Variants in NMD3 observed in about 807,000 individuals in gnomAD.
NMD3 encodes 60S ribosomal export protein NMD3.
Under a neutral mutation model 73.1 loss-of-function variants are expected in NMD3, and 47 were observed. The observed-to-expected ratio is 0.64, with a 90% CI of 0.51 to 0.82. The LOEUF (loss-of-function observed/expected upper bound fraction) is 0.82. Among genes scored for constraint, NMD3 ranks in the 40% least tolerant of loss-of-function variants. The pLI is 0.00. For synonymous variants in NMD3, 210 were observed against 194.5 expected (o/e 1.08, Z -0.66); for missense variants, 554 against 612.5 (o/e 0.90, Z 1.01).
At position 161,222,042 on chromosome 3, in the gene NMD3, G is replaced by A; in HGVS notation, c.29G>A (p.Arg10His). The change falls in exon 2 of 16, where the codon CGC (arginine) becomes CAC (histidine). Residue 10 changes from arginine (R) to histidine (H), a missense_variant. Transcript: ENST00000351193. ...GAGTATATGGCAGAATCCACCGACC[G>A]CAGCCCTGGACACATGTGAGTGCGA... The part of the protein sequence containing the change: MEYMAESTD[R>H]SPGHILCCEC... 1 of 1,520,284 alleles carries A rather than the reference G, an allele frequency of 6.6e-7. No individual in the cohort carries two copies. The highest frequency in any genetic ancestry group is 1.5e-5 in the African/African-American group (1 of 68,226). 94.2% of individuals were successfully genotyped at this position (1,520,284 alleles called of 1,614,324 possible).
At chr3:161,235,047 A>G (rs991388934) in intron 6 of NMD3, 75 bp from the exon 7 acceptor site, 4 of 860,974 alleles carry the variant, frequency 4.6e-6, no homozygotes, top group African/African-American at 1.7e-5. Context: ...CTCTATCTGT[A>G]GATAGTATGT....
chr3:161,228,626 T>C (rs1736420245), intron 4 of NMD3, among the ~76,000 whole-genome samples: 1 of 152,162 alleles, frequency 6.6e-6, no homozygotes, highest in Non-Finnish European at 1.5e-5. Context: ...CTTTTATACT[T>C]GGGGTTTTTG....
At chr3:161,241,619 C>T (rs1166553502) in intron 10 of NMD3, among the ~76,000 whole-genome samples, 1 of 152,058 alleles carries the variant, frequency 6.6e-6, no homozygotes. Context: ...CGGGGTTTCA[C>T]TGTGTTGGCC....
At position 161,242,673 on chromosome 3, in the gene NMD3, C is replaced by T; in HGVS notation, c.1017+20C>T. The T allele has an allele frequency of 6.3e-7, 1 of 1,593,902 alleles. No homozygotes were observed. Among genetic ancestry groups the T allele is most frequent in the Non-Finnish European group, 8.5e-7 (1 of 1,169,956 alleles). On this transcript the variant is annotated intron_variant, in intron 11 of 15. Transcript: ENST00000351193. The stretch of plus-strand genomic sequence containing the variant: ...AAAAAGGTAAGCTACATCCTGCCTG[C>T]CAGTGTATTTTTTTTTCCCCTCAGT...
chr3:161,221,956 CTCT>C, intron 1 of NMD3, 35 bp from the exon 2 acceptor site: 1 of 1,029,928 alleles, frequency 9.7e-7, no homozygotes, highest in Non-Finnish European at 1.4e-6. Flanking sequence ...TCCCAACATT[CTCT>C]TTTTTTTTTT....
Position 161,221,988 on chromosome 3 carries a change from T to TAAA in NMD3, c.-20-4_-20-2dup, listed in dbSNP as rs1553789114. On this transcript the variant is annotated splice_region_variant and splice_polypyrimidine_tract_variant and intron_variant, in intron 1 of 15. Coordinates refer to ENST00000351193, the MANE Select transcript of NMD3 (RefSeq NM_015938.5). ...TTTTTTTTTTTTTTTTTTTTTTTTT[T>TAAA]AAAAGAACTTAAGGCATACAGAACG... The TAAA allele has an allele frequency of 3.1e-5, 37 of 1,192,830 alleles. 2 individuals are homozygous for TAAA. In the South Asian group the frequency reaches 4.0e-4, roughly 13 times the overall value. 73.9% of individuals were successfully genotyped at this position (1,192,830 alleles called of 1,614,324 possible).
At position 161,227,296 on chromosome 3, in the gene NMD3, G is replaced by C. The variant is rs1415244541; in HGVS notation, c.229G>C (p.Glu77Gln). ...GATACAGTGTGCTTTAGAATCCAGG[G>C]AACTTCTTGCTTTGTGCTTGAAAAA... ...TWIQCALESR[E>Q]LLALCLKKIK... is the part of the protein sequence containing the mutation. The change falls in exon 4 of 16, where the codon GAA (glutamate) becomes CAA (glutamine). Residue 77 changes from glutamate (E) to glutamine (Q), a missense_variant. By Grantham distance (29) the Glu-to-Gln change is conservative. Coordinates refer to ENST00000351193, the MANE Select transcript of NMD3 (RefSeq NM_015938.5). 7 of 1,608,534 alleles carry C rather than the reference G, an allele frequency of 4.4e-6. 1 individual carries two copies. Among genetic ancestry groups the C allele is most frequent in the Middle Eastern group, 3.3e-4 (2 of 6,028 alleles).
chr3:161,223,316 T>A (rs187349537), intron 2 of NMD3, among the ~76,000 whole-genome samples: 27 of 152,324 alleles, frequency 1.8e-4, no homozygotes, highest in Admixed American at 1.2e-3. Flanking sequence ...ATTATTGAAC[T>A]TTTATTTTGG....
chr3:161,249,429 A>C, intron 13 of NMD3, 25 bp from the exon 14 acceptor site: 2 of 1,491,244 alleles, frequency 1.3e-6, no homozygotes, highest in Non-Finnish European at 1.8e-6. Context: ...CATTCTTTGT[A>C]ACTTTACAAA....
intron 7 of NMD3, among the ~76,000 whole-genome samples, chr3:161,236,344 A>G (rs552037117): frequency 1.1e-4 from 17 of 152,012 alleles, no homozygotes; most frequent in African/African-American, 3.9e-4. Context: ...CCTCCTCAAC[A>G]CTTGTTCTTA....
At chr3:161,250,148 T>G in intron 14 of NMD3, 108 bp from the exon 15 acceptor site, 1 of 604,022 alleles carries the variant, frequency 1.7e-6, no homozygotes, top group Admixed American at 3.2e-5. Flanking sequence ...TCATGAAATG[T>G]GAGTTGGAAA....
At chr3:161,248,994 G>A (rs1737364619) in intron 13 of NMD3, among the ~76,000 whole-genome samples, 1 of 152,090 alleles carries the variant, frequency 6.6e-6, no homozygotes, top group South Asian at 2.1e-4. Context: ...TTTGTATTTT[G>A]TAAAATTATT....
At chr3:161,233,547 G>T in intron 5 of NMD3, 68 bp downstream of exon 5, 2 of 916,396 alleles carry the variant, frequency 2.2e-6, no homozygotes, top group South Asian at 1.6e-5. Context: ...CCAGTGATAA[G>T]TTATTTTATG....
chr3:161,229,954 A>G (rs1736468349), intron 4 of NMD3, among the ~76,000 whole-genome samples: 1 of 152,206 alleles, frequency 6.6e-6, no homozygotes, highest in African/African-American at 2.4e-5. Flanking sequence ...ATTTCTGTTT[A>G]GTGGTGGTGG....
intron 9 of NMD3, among the ~76,000 whole-genome samples, chr3:161,240,318 T>C (rs1161903633): frequency 1.3e-5 from 2 of 152,144 alleles, no homozygotes; most frequent in African/African-American, 4.8e-5. Flanking sequence ...TATTGGCACA[T>C]GTAGCCATGT....
intron 12 of NMD3, among the ~76,000 whole-genome samples, chr3:161,246,941 TTTG>T (rs1426180784): frequency 1.3e-4 from 19 of 151,628 alleles, no homozygotes; most frequent in Admixed American, 2.6e-4. Flanking sequence ...GTGTTTTTTT[TTTG>T]TTTGTTTGTT....
chr3:161,236,007 C>G (rs557550296), intron 7 of NMD3, among the ~76,000 whole-genome samples: 1 of 151,912 alleles, frequency 6.6e-6, no homozygotes, highest in African/African-American at 2.4e-5. Flanking sequence ...CACTAATTCC[C>G]TCAACTCTAT....
At chr3:161,250,519 C>T (rs1283409863) in intron 15 of NMD3, among the ~76,000 whole-genome samples, 193 bp downstream of exon 15, 1 of 152,046 alleles carries the variant, frequency 6.6e-6, no homozygotes, top group East Asian at 1.9e-4. Flanking sequence ...TTGTATATTA[C>T]AGTTAGTATT....
At chr3:161,232,445 A>G (rs1371901968) in intron 4 of NMD3, among the ~76,000 whole-genome samples, 1 of 152,160 alleles carries the variant, frequency 6.6e-6, no homozygotes, top group Non-Finnish European at 1.5e-5. Context: ...TTCACTGAAA[A>G]GTCCTCTTGG....
Sources: gnomAD v4.1 joint callset for allele counts (sites outside exome capture counted in the v4.1 genomes callset) on GRCh38, gnomAD v4.1.1 for gene constraint, MANE v1.5 for transcripts, NCBI Gene and HGNC (gene_info 2026-07-23, HGNC 2026-07-21) for gene names.